PDILT: variants seen among roughly 807,000 people sequenced by gnomAD.
PDILT encodes the protein protein disulfide isomerase like, testis expressed, also known as protein disulfide-isomerase-like protein of the testis.
PDILT carries 43 observed loss-of-function variants against 53.7 expected under a neutral mutation model. The ratio of observed to expected loss-of-function variants is 0.80; its 90% CI spans 0.63 to 1.03. PDILT has a LOEUF of 1.03. PDILT is among the 50% of genes least tolerant of loss of function. The pLI, the probability that PDILT is intolerant of heterozygous loss-of-function variation, is 0.00. For synonymous variants in PDILT, 282 were observed against 274.2 expected, an observed-to-expected ratio of 1.03 and a Z score of -0.28; for missense variants, 727 against 712.3, an observed-to-expected ratio of 1.02 and a Z score of -0.24.
intron 2 of PDILT, among the ~76,000 whole-genome samples, chr16:20,390,208 A>C (rs1392917341): frequency 6.6e-6 from 1 of 152,150 alleles, no homozygotes; most frequent in African/African-American, 2.4e-5. Flanking sequence ...CTTGTTTCTC[A>C]GGGGCCAGCC....
At chr16:20,382,608 C>T (rs953527610) in intron 3 of PDILT, among the ~76,000 whole-genome samples, 1 of 152,168 alleles carries the variant, frequency 6.6e-6, no homozygotes. Flanking sequence ...GTAAAAGCAC[C>T]TCTTATATTG....
intron 2 of PDILT, among the ~76,000 whole-genome samples, chr16:20,393,063 T>C (rs1190815690): frequency 6.6e-6 from 1 of 152,222 alleles, no homozygotes; most frequent in Non-Finnish European, 1.5e-5. Flanking sequence ...AAATTAGGGC[T>C]GCAGCAAAAG....
In PDILT at chr16:20,374,871, A is replaced by T. The variant is rs2141716237; in HGVS notation, c.632T>A (p.Val211Asp). ...AAGGGTGACGTGGAAACGCCCAATGACATTGCCAATCGTTATGACTCCAAA... is the reference window on the plus strand; with the variant it reads ...AAGGGTGACGTGGAAACGCCCAATGTCATTGCCAATCGTTATGACTCCAAA... ...LTFGVITIGNVIGRFHVTLDS... is the reference protein window; with the variant it reads ...LTFGVITIGNDIGRFHVTLDS... Residue 211 changes from valine to aspartate, a missense_variant, in exon 5 of 12, where the codon GTC becomes GAC. Transcript: ENST00000302451. 6.2e-7 allele frequency: 1 copy of T among 1,614,142 alleles called. No homozygotes were observed. Among genetic ancestry groups the T allele is most frequent in the East Asian group, 2.2e-5 (1 of 44,882 alleles).
Position 20,373,027 on chromosome 16 carries a change from G to C in PDILT, c.777C>G (p.Ile259Met). 1.2e-6 allele frequency: 2 copies of C among 1,613,976 alleles called. No homozygotes were observed. Among genetic ancestry groups the C allele is most frequent in the Non-Finnish European group, 1.7e-6 (2 of 1,179,942 alleles). ...VIKQHLTDFV[I>M]EYNTENKDLI... ...ACTCACTGACCTCAGTGTTGTATTC[G>C]ATCACAAAATCTGTAAGGTGCTGTT... The change falls in exon 6 of 12, where the codon ATC becomes ATG. Residue 259 changes from isoleucine to methionine, a missense_variant. Physicochemically the swap from Ile to Met is conservative, Grantham distance 10. Transcript: ENST00000302451.
chr16:20,399,219 C>T lies in PDILT; in HGVS notation c.82G>A (p.Val28Ile), dbSNP rs1258787587. 6.2e-7 allele frequency: 1 copy of T among 1,614,038 alleles called. No individual in the cohort carries two copies. Among genetic ancestry groups the T allele is most frequent in the African/African-American group, 1.3e-5 (1 of 74,924 alleles). ...VHSSPEVNAG[V>I]SSIHITKPVH... ...GGCTTGGTTATGTGGATGCTGGAAA[C>T]ACCGGCGTTAACCTCTGGTGAGCTG... The change falls in exon 2 of 12, where the codon GTT becomes ATT. Residue 28 changes from valine (V) to isoleucine (I), a missense_variant. Transcript: ENST00000302451.
intron 7 of PDILT, among the ~76,000 whole-genome samples, chr16:20,372,156 T>C (rs1451770718): frequency 1.3e-5 from 2 of 152,230 alleles, no homozygotes; most frequent in African/African-American, 4.8e-5. Flanking sequence ...TTGTTTCTAA[T>C]GGTGATGATG....
At chr16:20,398,961 C>CTA in intron 2 of PDILT, 138 bp downstream of exon 2, 1 of 929,122 alleles carries the variant, frequency 1.1e-6, no homozygotes, top group Admixed American at 2.4e-5. Flanking sequence ...ATGATGCTGT[C>CTA]TATATATATT....
intron 2 of PDILT, among the ~76,000 whole-genome samples, chr16:20,387,111 T>C (rs1397040654): frequency 2.6e-5 from 4 of 152,204 alleles, no homozygotes; most frequent in Non-Finnish European, 1.5e-5. Flanking sequence ...TTTTAGGATA[T>C]GCCATGTGCC....
chr16:20,370,315 A>G (rs1014253148), intron 7 of PDILT, among the ~76,000 whole-genome samples: 9 of 152,314 alleles, frequency 5.9e-5, no homozygotes, highest in African/African-American at 2.2e-4. Flanking sequence ...ATGAACTTAC[A>G]AAGCCAAACA....
chr16:20,402,285 T>A (rs1055788903), intron 1 of PDILT, among the ~76,000 whole-genome samples: 3 of 93,074 alleles, frequency 3.2e-5, no homozygotes, highest in African/African-American at 1.2e-4. Flanking sequence ...CAGGGAGGAG[T>A]GTTGATCTTT....
chr16:20,362,350 C>T, intron 10 of PDILT, 54 bp downstream of exon 10: 1 of 1,578,642 alleles, frequency 6.3e-7, no homozygotes, highest in Non-Finnish European at 8.6e-7. Context: ...AAACTGAGTC[C>T]CTGATAATAA....
intron 11 of PDILT, among the ~76,000 whole-genome samples, chr16:20,359,796 C>T (rs1567317147): frequency 6.6e-6 from 1 of 152,148 alleles, no homozygotes; most frequent in South Asian, 2.1e-4. Context: ...GGTAAGAGGA[C>T]CTTTGGGGGA....
Position 20,369,651 on chromosome 16 carries a change from A to G in PDILT, c.957T>C (p.Asn319=), listed in dbSNP as rs769471139. ...CCCGGAAGTACTTGAAGACACGTCC[A>G]TTTCTGGGTTCGTCTGCATCCACAA... ...FILVDADEPR[N]GRVFKYFRVT... Residue 319 remains asparagine, a synonymous_variant, in exon 8 of 12, where the codon AAT becomes AAC. Transcript: ENST00000302451. The G allele has an allele frequency of 1.2e-6, 2 of 1,614,180 alleles. No homozygotes were observed. Among genetic ancestry groups the G allele is most frequent in the South Asian group, 1.1e-5 (1 of 91,084 alleles).
At chr16:20,387,060 G>A (rs1448302793) in intron 2 of PDILT, among the ~76,000 whole-genome samples, 7 of 152,240 alleles carry the variant, frequency 4.6e-5, no homozygotes, top group African/African-American at 1.2e-4. Flanking sequence ...TCATTCATTC[G>A]TTTTATGCAT....
intron 2 of PDILT, among the ~76,000 whole-genome samples, chr16:20,385,355 T>G (rs1966520305): frequency 6.6e-6 from 1 of 152,102 alleles, no homozygotes; most frequent in Non-Finnish European, 1.5e-5. Flanking sequence ...CCTGTGACAG[T>G]GAGAGGTAAG....
intron 7 of PDILT, among the ~76,000 whole-genome samples, chr16:20,371,070 T>C (rs958340261): frequency 7.2e-5 from 11 of 152,150 alleles, no homozygotes; most frequent in Non-Finnish European, 1.3e-4. Flanking sequence ...ACAGACTGGC[T>C]CTGAATTCTT....
At chr16:20,384,543 C>T in intron 3 of PDILT, 102 bp downstream of exon 3, 1 of 1,385,050 alleles carries the variant, frequency 7.2e-7, no homozygotes, top group East Asian at 2.3e-5. Flanking sequence ...GATCCTGGGT[C>T]CCCGAGAAGC....
chr16:20,397,238 C>T (rs1338970196), intron 2 of PDILT, among the ~76,000 whole-genome samples: 11 of 152,148 alleles, frequency 7.2e-5, no homozygotes, highest in Non-Finnish European at 1.5e-4. Context: ...TGGGCTCAAG[C>T]GATTCTCCCA....
intron 1 of PDILT, among the ~76,000 whole-genome samples, chr16:20,400,104 C>T (rs1966717865): frequency 6.6e-6 from 1 of 150,646 alleles, no homozygotes; most frequent in African/African-American, 2.5e-5. Context: ...TCTTGTCACC[C>T]AGGCTGGGGT....
Sources: allele counts gnomAD v4.1 joint callset (sites outside exome capture counted in the v4.1 genomes callset), GRCh38; gene constraint gnomAD v4.1.1; transcripts MANE v1.5; gene names NCBI Gene and HGNC (gene_info 2026-07-23, HGNC 2026-07-21).